Variants in POFUT1 observed in about 807,000 individuals in gnomAD.
POFUT1 encodes GDP-fucose protein O-fucosyltransferase 1.
In POFUT1, 16 loss-of-function variants were observed where a neutral mutation model predicts 42.4. The ratio of observed to expected loss-of-function variants is 0.38; its 90% CI spans 0.26 to 0.57. The LOEUF (loss-of-function observed/expected upper bound fraction) is 0.57, where lower values mean the gene tolerates loss of function less well. POFUT1 is among the 20% of genes least tolerant of loss of function. The pLI is 0.71. For missense variants in POFUT1, 470 were observed against 504.6 expected, an observed-to-expected ratio of 0.93 and a Z score of 0.66; for synonymous variants, 206 against 205.4, an observed-to-expected ratio of 1.00 and a Z score of -0.03.
intron 4 of POFUT1, chr20:32,222,962 G>T (rs2047398038): frequency 1.0e-6 from 1 of 984,528 alleles, no homozygotes; most frequent in Non-Finnish European, 1.2e-6. Flanking sequence ...GGGAAAGGCA[G>T]TCCTTCATGG....
In POFUT1 at chr20:32,228,405, C is replaced by T. The variant is rs768287746; in HGVS notation, c.685C>T (p.His229Tyr). 2 of 1,614,190 alleles carry T rather than the reference C, an allele frequency of 1.2e-6. No individual in the cohort carries two copies. The highest frequency in any genetic ancestry group is 1.1e-5 in the South Asian group (1 of 91,072). ...VKTGEAQIHAHLVRPYVGIHL... is the reference protein window; with the variant it reads ...VKTGEAQIHAYLVRPYVGIHL... Reference sequence around the variant, plus strand: ...GACGGGAGAGGCCCAGATTCATGCCCACCTTGTCCGGCCCTATGTGGGCAT... The same window carrying T: ...GACGGGAGAGGCCCAGATTCATGCCTACCTTGTCCGGCCCTATGTGGGCAT... The change falls in exon 5 of 7, where the codon CAC becomes TAC. Residue 229 changes from histidine to tyrosine, a missense_variant. His to Tyr is a moderately conservative substitution (Grantham distance 83). Coordinates refer to ENST00000375749, the MANE Select transcript of POFUT1 (RefSeq NM_015352.2).
At chr20:32,220,460 G>T (rs6058554) in intron 4 of POFUT1, among the ~76,000 whole-genome samples, 1 of 152,178 alleles carries the variant, frequency 6.6e-6, no homozygotes, top group African/African-American at 2.4e-5. Flanking sequence ...GCTTGACCAA[G>T]GCTGCGTGCA....
chr20:32,232,096 C>CGAAA (rs2047446489), intron 6 of POFUT1, among the ~76,000 whole-genome samples: 1 of 152,164 alleles, frequency 6.6e-6, no homozygotes, highest in African/African-American at 2.4e-5. Flanking sequence ...CTCCCCTTCT[C>CGAAA]TTTCACCCCA....
At chr20:32,215,204 TAATA>T (rs1340314737) in intron 2 of POFUT1, 61 bp from the exon 3 acceptor site, 1 of 1,326,394 alleles carries the variant, frequency 7.5e-7, no homozygotes, top group Non-Finnish European at 1.1e-6. Context: ...TGTATTGTTT[TAATA>T]AATGTCTAAA....
rs2047439997 is a variant in POFUT1, at chr20:32,230,900, A to G, written c.817A>G (p.Ser273Gly). Residue 273 changes from serine to glycine, a missense_variant, in exon 6 of 7, where the codon AGC becomes GGC. Ser to Gly is a moderately conservative substitution (Grantham distance 56). Coordinates refer to ENST00000375749, the MANE Select transcript of POFUT1 (RefSeq NM_015352.2). The stretch of plus-strand genomic sequence containing the variant: ...TCCGCAGTGTGTGGGCTACAGCCGC[A>G]GCACAGCGGCCCCCCTCACGATGAC... Reference protein sequence around the residue: ...ASPQCVGYSRSTAAPLTMTMC... With the variant: ...ASPQCVGYSRGTAAPLTMTMC... 2 of 1,614,182 alleles carry G rather than the reference A, an allele frequency of 1.2e-6. No homozygotes were observed. The highest frequency in any genetic ancestry group is 1.7e-6 in the Non-Finnish European group (2 of 1,180,026).
At chr20:32,215,146 C>T in intron 2 of POFUT1, 123 bp from the exon 3 acceptor site, 1 of 671,604 alleles carries the variant, frequency 1.5e-6, no homozygotes, top group Non-Finnish European at 2.5e-6. Context: ...GCCTTATCCT[C>T]CCAAAGTGCT....
At chr20:32,217,206 A>C in intron 4 of POFUT1, 1 of 1,432,920 alleles carries the variant, frequency 7.0e-7, no homozygotes. Flanking sequence ...TGAAACATTT[A>C]TAGGGCGCCT....
rs1052927237 is a variant in POFUT1, at chr20:32,235,046, ACT to A, written c.*390_*391del. 1.2e-4 allele frequency: 20 copies of A among 161,316 alleles called. No homozygotes were observed. Among genetic ancestry groups the A allele is most frequent in the Admixed American group, 3.1e-4 (5 of 16,044 alleles). 10.0% of individuals were successfully genotyped at this position (161,316 alleles called of 1,614,324 possible). On this transcript the variant is annotated 3_prime_UTR_variant, in exon 7 of 7. Transcript: ENST00000375749. ...GATACAAGGTCATGACTATCCTAGA[ACT>A]CTCTGTGGTTTTTGAAAATCATTGA...
intron 4 of POFUT1, chr20:32,223,666 C>A (rs949377775): frequency 4.5e-5 from 44 of 985,294 alleles, no homozygotes; most frequent in Non-Finnish European, 5.2e-5. Context: ...CCTTCTCTAA[C>A]CCCTGACAGC....
At chr20:32,228,866 G>A (rs1462609854) in intron 5 of POFUT1, among the ~76,000 whole-genome samples, 2 of 152,184 alleles carry the variant, frequency 1.3e-5, no homozygotes, top group African/African-American at 2.4e-5. Flanking sequence ...AGAATTTGGA[G>A]GCTGTTTAAA....
intron 1 of POFUT1, among the ~76,000 whole-genome samples, chr20:32,208,542 C>T (rs1249553638): frequency 2.0e-5 from 3 of 150,590 alleles, no homozygotes; most frequent in African/African-American, 2.5e-5. Context: ...GTAGGCCAGG[C>T]GCGGTGGCTC....
At chr20:32,223,474 T>C in intron 4 of POFUT1, 1 of 985,400 alleles carries the variant, frequency 1.0e-6, no homozygotes. Context: ...GAAGGTTGGC[T>C]GCAGGTGCTT....
intron 3 of POFUT1, among the ~76,000 whole-genome samples, chr20:32,215,788 T>C (rs2047356907): frequency 6.6e-6 from 1 of 152,256 alleles, no homozygotes. Flanking sequence ...ACTTACTATG[T>C]ATGTCAGGTA....
chr20:32,215,916 A>T (rs948207391), intron 3 of POFUT1, among the ~76,000 whole-genome samples: 17 of 152,238 alleles, frequency 1.1e-4, no homozygotes, highest in Non-Finnish European at 2.1e-4. Context: ...AGAGAGGGTC[A>T]GTGTCTTACC....
chr20:32,219,610 C>T (rs1206518937), intron 4 of POFUT1, among the ~76,000 whole-genome samples: 2 of 151,696 alleles, frequency 1.3e-5, no homozygotes, highest in Admixed American at 6.6e-5. Context: ...CATTCTCCTG[C>T]CTCAGCCTCC....
chr20:32,236,174 C>T lies in POFUT1; in HGVS notation c.*1513C>T, dbSNP rs6087842. 6.6e-6 allele frequency: 1 copy of T among 152,220 alleles called. No homozygotes were observed. Among genetic ancestry groups the T allele is most frequent in the Non-Finnish European group, 1.5e-5 (1 of 68,058 alleles). 9.4% of individuals were successfully genotyped at this position (152,220 alleles called of 1,614,324 possible). On this transcript the variant is annotated 3_prime_UTR_variant, in exon 7 of 7. Transcript: ENST00000375749. ...TGCCTGTCCAGACTTGCTCTCAAGC[C>T]TCATCCAGAGAAGGAGCTGCAGATG...
chr20:32,223,632 C>A, intron 4 of POFUT1: 6 of 985,426 alleles, frequency 6.1e-6, no homozygotes, highest in Non-Finnish European at 7.2e-6. Flanking sequence ...CCTATAGTAG[C>A]TACTCAGGTA....
chr20:32,223,495 C>T (rs1475032687), intron 4 of POFUT1: 17 of 985,102 alleles, frequency 1.7e-5, no homozygotes, highest in Non-Finnish European at 1.8e-5. Context: ...TCCAAGAGGT[C>T]GGGGGGTGGC....
chr20:32,213,278 A>G (rs928747390), intron 2 of POFUT1, among the ~76,000 whole-genome samples: 1 of 151,576 alleles, frequency 6.6e-6, no homozygotes, highest in Non-Finnish European at 1.5e-5. Flanking sequence ...CCTGGCCAAC[A>G]TGGTGAAACC....
Sources: gnomAD v4.1 joint callset for allele counts (sites outside exome capture counted in the v4.1 genomes callset) on GRCh38, gnomAD v4.1.1 for gene constraint, MANE v1.5 for transcripts, NCBI Gene and HGNC (gene_info 2026-07-23, HGNC 2026-07-21) for gene names.